Variants in TMEM229B observed in about 807,000 individuals in gnomAD.
TMEM229B encodes the protein transmembrane protein 229B.
TMEM229B carries 6 observed loss-of-function variants against 13.7 expected under a neutral mutation model. The observed-to-expected ratio is 0.44, with a 90% confidence interval of 0.24 to 0.86. TMEM229B has a LOEUF of 0.86. TMEM229B is among the 40% of genes least tolerant of loss of function. The probability of loss-of-function intolerance (pLI) is 0.23; values close to 1 mark genes in which losing one functional copy is unlikely to be tolerated. For missense variants in TMEM229B, 170 were observed against 236.0 expected (o/e 0.72, Z 1.83); for synonymous variants, 107 against 102.1 (o/e 1.05, Z -0.29).
intron 1 of TMEM229B, among the ~76,000 whole-genome samples, chr14:67,525,422 C>T (rs1248725472): frequency 6.6e-6 from 1 of 152,166 alleles, no homozygotes; most frequent in Non-Finnish European, 1.5e-5. Context: ...TAATACTTTA[C>T]TTACTAGTCC....
chr14:67,477,941 G>A (rs1374056210), intron 2 of TMEM229B, among the ~76,000 whole-genome samples: 1 of 152,158 alleles, frequency 6.6e-6, no homozygotes, highest in Non-Finnish European at 1.5e-5. Context: ...CTGAGAGTGA[G>A]GGCCTTGCCT....
chr14:67,523,062 T>C (rs1470908256), intron 1 of TMEM229B, among the ~76,000 whole-genome samples: 4 of 152,168 alleles, frequency 2.6e-5, no homozygotes, highest in Non-Finnish European at 5.9e-5. Context: ...CGGTGGCTCA[T>C]GCCTATAATC....
chr14:67,519,608 C>T (rs548711667), upstream of TMEM229B, among the ~76,000 whole-genome samples: 2 of 151,738 alleles, frequency 1.3e-5, no homozygotes, highest in East Asian at 1.9e-4. Flanking sequence ...ACTGTTACTA[C>T]AAGAAGGGAA....
intron 1 of TMEM229B, among the ~76,000 whole-genome samples, chr14:67,488,043 A>G (rs990503128): frequency 6.6e-6 from 1 of 152,254 alleles, no homozygotes; most frequent in African/African-American, 2.4e-5. Flanking sequence ...CCTGGATACA[A>G]CACCATCTGC....
At chr14:67,511,463 G>A (rs1039724397) in intron 1 of TMEM229B, among the ~76,000 whole-genome samples, 1 of 151,608 alleles carries the variant, frequency 6.6e-6, no homozygotes, top group Non-Finnish European at 1.5e-5. Context: ...TTTCAAAGAT[G>A]CTGTCTCTTC....
At chr14:67,496,404 T>TTTTTTG (rs1566688564) in intron 1 of TMEM229B, among the ~76,000 whole-genome samples, 1 of 129,006 alleles carries the variant, frequency 7.8e-6, no homozygotes, top group Admixed American at 8.2e-5. Context: ...TTTTTTTTTT[T>TTTTTTG]TTTTTTTTTT....
intron 2 of TMEM229B, among the ~76,000 whole-genome samples, chr14:67,482,804 C>G (rs1011871718): frequency 1.3e-5 from 2 of 152,114 alleles, no homozygotes; most frequent in African/African-American, 2.4e-5. Context: ...CAGACTTCCA[C>G]CCTCTTGCTG....
intron 1 of TMEM229B, among the ~76,000 whole-genome samples, chr14:67,521,518 T>TG (rs2033290884): frequency 6.6e-6 from 1 of 152,186 alleles, no homozygotes; most frequent in South Asian, 2.1e-4. Context: ...TAAAGTGTCT[T>TG]GCTACTTTGG....
chr14:67,486,060 G>T (rs1468670615), intron 2 of TMEM229B, among the ~76,000 whole-genome samples: 3 of 152,206 alleles, frequency 2.0e-5, no homozygotes, highest in Admixed American at 1.3e-4. Context: ...GAAGCCTGAC[G>T]GCCAAAGTAG....
At chr14:67,497,779 G>A (rs1333531480) in intron 1 of TMEM229B, among the ~76,000 whole-genome samples, 1 of 151,784 alleles carries the variant, frequency 6.6e-6, no homozygotes, top group African/African-American at 2.4e-5. Flanking sequence ...AACCCCAGCA[G>A]CACCTCTCCT....
chr14:67,501,800 T>C (rs2032621905), intron 1 of TMEM229B, among the ~76,000 whole-genome samples: 1 of 152,212 alleles, frequency 6.6e-6, no homozygotes, highest in Non-Finnish European at 1.5e-5. Context: ...GCACATATCA[T>C]AAATTACATA....
intron 2 of TMEM229B, among the ~76,000 whole-genome samples, chr14:67,480,316 C>T (rs916613696): frequency 6.6e-6 from 1 of 152,074 alleles, no homozygotes; most frequent in African/African-American, 2.4e-5. Context: ...GCCAAGAAAT[C>T]GGGTGGCAAT....
intron 2 of TMEM229B, among the ~76,000 whole-genome samples, chr14:67,476,101 C>G (rs1315730): frequency 1.3e-5 from 2 of 152,174 alleles, no homozygotes; most frequent in Non-Finnish European, 2.9e-5. Context: ...ACATCTCTGT[C>G]GATCCCCTCT....
At chr14:67,479,176 G>C (rs1025264758) in intron 2 of TMEM229B, among the ~76,000 whole-genome samples, 3 of 152,186 alleles carry the variant, frequency 2.0e-5, no homozygotes, top group Non-Finnish European at 2.9e-5. Flanking sequence ...GGGAGGCTGA[G>C]GTGGGTGGAT....
At chr14:67,508,094 C>T (rs1326035169) in intron 1 of TMEM229B, among the ~76,000 whole-genome samples, 3 of 147,452 alleles carry the variant, frequency 2.0e-5, no homozygotes, top group South Asian at 2.1e-4. Context: ...GCCGAAGTCA[C>T]ATTGCACTCC....
upstream of TMEM229B, among the ~76,000 whole-genome samples, chr14:67,517,489 GT>G (rs2033225087): frequency 6.6e-6 from 1 of 152,158 alleles, no homozygotes; most frequent in Admixed American, 6.5e-5. Flanking sequence ...AAAGAAAAAT[GT>G]TTTAATATAT....
upstream of TMEM229B, among the ~76,000 whole-genome samples, chr14:67,490,494 T>C (rs1438263699): frequency 6.6e-6 from 1 of 152,248 alleles, no homozygotes; most frequent in Non-Finnish European, 1.5e-5. Flanking sequence ...ACTCCTGTTC[T>C]GTTATTTCTA....
chr14:67,486,424 G>A (rs989324176), intron 2 of TMEM229B, among the ~76,000 whole-genome samples: 1 of 152,206 alleles, frequency 6.6e-6, no homozygotes, highest in Admixed American at 6.5e-5. Context: ...ACAGGTGCAT[G>A]CCACAATGCC....
chr14:67,482,602 G>A (rs952452503), intron 2 of TMEM229B, among the ~76,000 whole-genome samples: 7 of 152,224 alleles, frequency 4.6e-5, no homozygotes, highest in African/African-American at 1.2e-4. Flanking sequence ...GCAACGCAGC[G>A]GGGGACAGCT....
Sources: gnomAD v4.1 joint callset for allele counts (sites outside exome capture counted in the v4.1 genomes callset) on GRCh38, gnomAD v4.1.1 for gene constraint, MANE v1.5 for transcripts, NCBI Gene and HGNC (gene_info 2026-07-23, HGNC 2026-07-21) for gene names.